The following FRMD5 variants were observed in gnomAD, a reference collection of about 807,000 sequenced individuals.
FRMD5 encodes the protein FERM domain-containing protein 5.
A neutral mutation model predicts 69.0 loss-of-function variants in FRMD5; 20 were observed. The observed-to-expected ratio is 0.29, with a 90% CI of 0.20 to 0.42. The LOEUF (loss-of-function observed/expected upper bound fraction) is 0.42. Among genes scored for constraint, FRMD5 ranks in the 10% least tolerant of loss-of-function variants. The pLI, the probability that FRMD5 is intolerant of heterozygous loss-of-function variation, is 1.00. For missense variants in FRMD5, 595 were observed against 708.6 expected (o/e 0.84, Z 1.82); for synonymous variants, 271 against 260.1 (o/e 1.04, Z -0.40).
At chr15:44,117,592 A>G (rs2076887640) in intron 1 of FRMD5, among the ~76,000 whole-genome samples, 1 of 152,212 alleles carries the variant, frequency 6.6e-6, no homozygotes, top group South Asian at 2.1e-4. Context: ...CTTAGATGTT[A>G]TTTAACAATC....
At chr15:44,063,088 T>C (rs2140386857) in intron 1 of FRMD5, among the ~76,000 whole-genome samples, 1 of 152,322 alleles carries the variant, frequency 6.6e-6, no homozygotes. Context: ...CTATTCTACG[T>C]TCTTTCCATT....
chr15:43,898,300 C>G (rs1235637691), intron 7 of FRMD5, among the ~76,000 whole-genome samples: 1 of 152,128 alleles, frequency 6.6e-6, no homozygotes, highest in Non-Finnish European at 1.5e-5. Flanking sequence ...TACCCAGTAC[C>G]TTTGGGCATG....
rs1167000279 is a variant in FRMD5, at chr15:43,873,102, T to C, written c.*783A>G. On this transcript the variant is annotated 3_prime_UTR_variant, in exon 14 of 14. Coordinates refer to ENST00000417257, the MANE Select transcript of FRMD5 (RefSeq NM_032892.5). ...GTTCTTCGGAAAAAAAAAATCACGT[T>C]AAGTCTAGTTTCATTATACAAAACT... 3.6e-6 allele frequency: 5 copies of C among 1,396,552 alleles called. No homozygotes were observed. In the Admixed American group the frequency reaches 1.2e-4, roughly 32 times the overall value. The allele number at this position is 1,396,552 out of a possible 1,614,324, so 86.5% of individuals were successfully genotyped here. A position where few individuals can be genotyped will look rare whatever the true frequency, so the allele number is the denominator to read the frequency against.
At chr15:44,027,654 T>G (rs912477644) in intron 1 of FRMD5, among the ~76,000 whole-genome samples, 1 of 147,408 alleles carries the variant, frequency 6.8e-6, no homozygotes, top group African/African-American at 2.5e-5. Context: ...TTTTTTTGTT[T>G]TTTTTTTTTT....
chr15:43,926,005 A>C (rs544303934), intron 1 of FRMD5, among the ~76,000 whole-genome samples: 14 of 152,194 alleles, frequency 9.2e-5, no homozygotes, highest in Non-Finnish European at 1.9e-4. Context: ...TCTAGACTGT[A>C]ATTTTCATGA....
At chr15:44,176,474 A>G (rs1036885977) in intron 1 of FRMD5, among the ~76,000 whole-genome samples, 6 of 152,172 alleles carry the variant, frequency 3.9e-5, no homozygotes, top group African/African-American at 1.4e-4. Context: ...GGGTTAGGCA[A>G]TGATTTCTTA....
At chr15:43,877,531 A>G (rs948513001) in intron 13 of FRMD5, among the ~76,000 whole-genome samples, 10 of 152,200 alleles carry the variant, frequency 6.6e-5, no homozygotes, top group African/African-American at 1.9e-4. Context: ...CTCCAGAGGA[A>G]TGAGCCCTGG....
intron 1 of FRMD5, among the ~76,000 whole-genome samples, chr15:43,958,958 C>A (rs1367271166): frequency 6.6e-6 from 1 of 152,192 alleles, no homozygotes; most frequent in Non-Finnish European, 1.5e-5. Context: ...CCAGCCCACA[C>A]CTGGCATACA....
chr15:44,105,753 T>C (rs2076707656), intron 1 of FRMD5, among the ~76,000 whole-genome samples: 1 of 152,236 alleles, frequency 6.6e-6, no homozygotes, highest in African/African-American at 2.4e-5. Flanking sequence ...ACCTATTTTT[T>C]ACCTTCATTA....
intron 1 of FRMD5, among the ~76,000 whole-genome samples, chr15:44,172,049 C>A (rs1022363008): frequency 6.6e-6 from 1 of 151,740 alleles, no homozygotes. Context: ...CAGGCATGAG[C>A]CACCATACCC....
In FRMD5 at chr15:44,057,137, A is replaced by ATTT. The variant is rs57462426; in HGVS notation, c.103-132831_103-132829dup. 2.0e-5 allele frequency among the ~76,000 whole-genome samples: 3 copies of ATTT among 147,090 alleles called. No individual in the cohort carries two copies. In the East Asian group the frequency reaches 6.0e-4, roughly 29 times the overall value. Reference sequence around the variant, plus strand: ...CCTCTTTGCTCTTATGAACTGTTCTATTTTTTTTTTTTTTTCTCACTCTGT... The same window carrying ATTT: ...CCTCTTTGCTCTTATGAACTGTTCTATTTTTTTTTTTTTTTTTTCTCACTCTGT... On this transcript the variant is annotated intron_variant, in intron 1 of 13. Coordinates refer to ENST00000417257, the MANE Select transcript of FRMD5 (RefSeq NM_032892.5).
At chr15:43,973,155 T>C (rs921631809) in intron 1 of FRMD5, among the ~76,000 whole-genome samples, 15 of 152,020 alleles carry the variant, frequency 9.9e-5, no homozygotes, top group African/African-American at 3.4e-4. Flanking sequence ...CCCGAGTAGC[T>C]GGGACTACAG....
chr15:44,022,529 G>C (rs1270401768), intron 1 of FRMD5, among the ~76,000 whole-genome samples: 3 of 126,154 alleles, frequency 2.4e-5, no homozygotes, highest in African/African-American at 8.9e-5. Flanking sequence ...AGCTGAGATT[G>C]CACCACTGTA....
chr15:44,148,498 C>T (rs1236984576), intron 1 of FRMD5, among the ~76,000 whole-genome samples: 3 of 152,142 alleles, frequency 2.0e-5, no homozygotes, highest in Non-Finnish European at 1.5e-5. Context: ...GTCTCTATCT[C>T]CTGACCTCAT....
intron 1 of FRMD5, among the ~76,000 whole-genome samples, chr15:44,104,565 G>A (rs983816344): frequency 5.3e-5 from 8 of 152,150 alleles, no homozygotes; most frequent in African/African-American, 1.9e-4. Context: ...CGTTAAAGAT[G>A]TTTGATGTTT....
intron 1 of FRMD5, among the ~76,000 whole-genome samples, chr15:43,981,851 C>T (rs2090553184): frequency 6.6e-6 from 1 of 152,224 alleles, no homozygotes; most frequent in Admixed American, 6.5e-5. Flanking sequence ...TTAACTCTTG[C>T]AGTTCTCCAA....
chr15:44,066,567 A>G (rs1016527249), intron 1 of FRMD5, among the ~76,000 whole-genome samples: 1 of 152,202 alleles, frequency 6.6e-6, no homozygotes, highest in African/African-American at 2.4e-5. Flanking sequence ...TCACGGAAAA[A>G]TGAGTTGTTC....
chr15:43,985,581 T>G (rs1889356545), intron 1 of FRMD5, among the ~76,000 whole-genome samples: 1 of 152,144 alleles, frequency 6.6e-6, no homozygotes, highest in South Asian at 2.1e-4. Flanking sequence ...ACCCAGGACC[T>G]TTACAGAGTC....
In FRMD5 at chr15:43,902,139, G is replaced by A. The variant is rs1401847998; in HGVS notation, c.639+36C>T. 9 of 1,508,390 alleles carry A rather than the reference G, an allele frequency of 6.0e-6. No homozygotes were observed. In the African/African-American group the frequency reaches 1.2e-4, roughly 21 times the overall value. 93.4% of individuals were successfully genotyped at this position (1,508,390 alleles called of 1,614,324 possible). A position where few individuals can be genotyped will look rare whatever the true frequency, so the allele number is the denominator to read the frequency against. ...CTTGCTCCTGATGCCTTCTAGAGGAGGAAAGGTCATGCAGTCTCCAACCAG... is the reference window on the plus strand; with the variant it reads ...CTTGCTCCTGATGCCTTCTAGAGGAAGAAAGGTCATGCAGTCTCCAACCAG... On this transcript the variant is annotated intron_variant, in intron 7 of 13. Coordinates refer to ENST00000417257, the MANE Select transcript of FRMD5 (RefSeq NM_032892.5).
Sources: gnomAD v4.1 joint callset for allele counts (sites outside exome capture counted in the v4.1 genomes callset) on GRCh38, gnomAD v4.1.1 for gene constraint, MANE v1.5 for transcripts, NCBI Gene and HGNC (gene_info 2026-07-23, HGNC 2026-07-21) for gene names.